Variants in SERHL2 observed in about 807,000 individuals in gnomAD.
SERHL2 encodes the protein serine hydrolase like 2.
A neutral mutation model predicts 25.5 loss-of-function variants in SERHL2; 29 were observed. The ratio of observed to expected loss-of-function variants is 1.14; its 90% CI spans 0.85 to 1.55. The LOEUF is 1.55. Among genes scored for constraint, SERHL2 ranks in the 40% most tolerant of loss-of-function variants. The pLI is 0.00. For missense variants in SERHL2, 240 were observed against 252.3 expected (o/e 0.95, Z 0.33); for synonymous variants, 95 against 103.5 (o/e 0.92, Z 0.50).
chr22:42,568,113 T>G (rs1002005206), intron 9 of SERHL2, among the ~76,000 whole-genome samples: 17 of 151,868 alleles, frequency 1.1e-4, no homozygotes, highest in Non-Finnish European at 5.9e-5. Context: ...AGCTTCAACC[T>G]CCTGGGCTGA....
In SERHL2 at chr22:42,560,242, G is replaced by C; in HGVS notation, c.590G>C (p.Arg197Thr). ...GAGTGCGGGGAGCTTCTCCTGCAAA[G>C]AGGAACCACGAAGGTGGCCACAGGT... is the stretch of plus-strand genomic sequence containing the variant. ...SEECGELLLQRGTTKVATGLV... is the reference protein window; with the variant it reads ...SEECGELLLQTGTTKVATGLV... The change falls in exon 8 of 12, where the codon AGA becomes ACA. Residue 197 changes from arginine to threonine, a missense_variant. By Grantham distance (71) the Arg-to-Thr change is moderately conservative. Coordinates refer to ENST00000327678, the MANE Select transcript of SERHL2 (RefSeq NM_014509.5). 6.2e-7 allele frequency: 1 copy of C among 1,612,484 alleles called. No individual in the cohort carries two copies. Among genetic ancestry groups the C allele is most frequent in the Non-Finnish European group, 8.5e-7 (1 of 1,178,754 alleles).
At chr22:42,572,577 T>G (rs760770230) in intron 11 of SERHL2, 48 bp downstream of exon 11, 90 of 1,599,698 alleles carry the variant, frequency 5.6e-5, no homozygotes, top group Admixed American at 1.9e-4. Flanking sequence ...TCGCCCACTC[T>G]GGTCCCACCT....
rs1924383850 is a variant in SERHL2 at position 42,572,586 on chromosome 22, C to A, written c.825+57C>A. The A allele has an allele frequency of 1.9e-6, 3 of 1,590,122 alleles. No individual in the cohort carries two copies. In the South Asian group the frequency reaches 3.4e-5, roughly 18 times the overall value. On this transcript the variant is annotated intron_variant, in intron 11 of 11. Transcript: ENST00000327678. ...CCACTGTCGCCCACTCTGGTCCCACCTCACCCATCTCTTCTCATGCACTGG... is the reference window on the plus strand; with the variant it reads ...CCACTGTCGCCCACTCTGGTCCCACATCACCCATCTCTTCTCATGCACTGG...
At chr22:42,572,715 T>C in intron 11 of SERHL2, 186 bp downstream of exon 11, 1 of 984,738 alleles carries the variant, frequency 1.0e-6, no homozygotes, top group Non-Finnish European at 1.2e-6. Context: ...ACACATGTAA[T>C]CAGAATTAAG....
In SERHL2 at chr22:42,564,427, A is replaced by AT. The variant is rs35590765; in HGVS notation, c.614-1866dup. Among the ~76,000 whole-genome samples the AT allele has an allele frequency of 2.0e-3, 297 of 146,308 alleles. 3 individuals are homozygous for AT. The highest frequency in any genetic ancestry group is 0.011 in the East Asian group (55 of 5,070). Reference sequence around the variant, plus strand: ...ATTTTAAACTGAGGCCCGACACAGGATTTTTTTTTTTCTTTTTTTTTGAGA... The same window carrying AT: ...ATTTTAAACTGAGGCCCGACACAGGATTTTTTTTTTTTCTTTTTTTTTGAGA... On this transcript the variant is annotated intron_variant, in intron 8 of 11. Transcript: ENST00000327678.
chr22:42,563,423 C>T (rs948510204), intron 8 of SERHL2: 7 of 441,408 alleles, frequency 1.6e-5, no homozygotes, highest in East Asian at 7.5e-5. Context: ...AGGCTGGTCT[C>T]GAACTCCTGA....
At chr22:42,560,882 T>G (rs1045731225) in intron 8 of SERHL2, among the ~76,000 whole-genome samples, 2 of 151,752 alleles carry the variant, frequency 1.3e-5, no homozygotes, top group Non-Finnish European at 2.9e-5. Context: ...ACTACAGGTG[T>G]GAGCTACTGT....
rs145060540 is a variant in SERHL2 at position 42,554,049 on chromosome 22, C to A, written c.22+7C>A. On this transcript the variant is annotated splice_region_variant and intron_variant, in intron 1 of 11. Transcript: ENST00000327678. ...AGTGAGAACGCCGCACCAGGTCTGA[C>A]GGGGAGGCCTTGTGCGAGCGTCCCA... 1 of 1,613,370 alleles carries A rather than the reference C, an allele frequency of 6.2e-7. No homozygotes were observed. The highest frequency in any genetic ancestry group is 1.1e-5 in the South Asian group (1 of 91,004).
intron 7 of SERHL2, 116 bp from the exon 8 acceptor site, chr22:42,560,070 C>A: frequency 1.3e-6 from 1 of 759,950 alleles, no homozygotes. Context: ...TCTTGTCCTC[C>A]CAAAGTGCTG....
rs150625034 is a variant in SERHL2 at position 42,560,252 on chromosome 22, G to A, written c.600G>A (p.Thr200=). ...AGCTTCTCCTGCAAAGAGGAACCACGAAGGTGGCCACAGGTAAGGGACTCT... is the reference window on the plus strand; with the variant it reads ...AGCTTCTCCTGCAAAGAGGAACCACAAAGGTGGCCACAGGTAAGGGACTCT... The part of the protein sequence containing the change: ...CGELLLQRGT[T]KVATGLVLNR... The change falls in exon 8 of 12, where the codon ACG becomes ACA. Residue 200 remains threonine, a synonymous_variant. Transcript: ENST00000327678. The A allele has an allele frequency of 7.0e-5, 113 of 1,611,074 alleles. 2 individuals are homozygous for A. The highest frequency in any genetic ancestry group is 2.0e-4 in the South Asian group (18 of 91,068).
intron 9 of SERHL2, chr22:42,569,953 G>A (rs910143577): frequency 1.3e-5 from 2 of 151,706 alleles, no homozygotes; most frequent in Admixed American, 1.3e-4. Context: ...GGAGCTTCCC[G>A]GAATTAATCC....
rs770456492 is a variant in SERHL2, at chr22:42,554,025, G to C, written c.5G>C (p.Ser2Thr). ...CGCATTCGCGGGACGAGAGCGATGAGTGAGAACGCCGCACCAGGTCTGACG... is the reference window on the plus strand; with the variant it reads ...CGCATTCGCGGGACGAGAGCGATGACTGAGAACGCCGCACCAGGTCTGACG... Reference protein sequence around the residue: MSENAAPGLISE... With the variant: MTENAAPGLISE... The change falls in exon 1 of 12, where the codon AGT becomes ACT. Residue 2 changes from serine to threonine, a missense_variant. Ser to Thr is a moderately conservative substitution (Grantham distance 58). This residue lies in a region of SERHL2 where 18 missense variants were observed against 16.0 expected (regional missense o/e 1.12). Transcript: ENST00000327678. 6 of 1,613,676 alleles carry C rather than the reference G, an allele frequency of 3.7e-6. No homozygotes were observed. In the Admixed American group the frequency reaches 5.0e-5, roughly 13 times the overall value.
chr22:42,568,409 TTG>T (rs1923703727), intron 9 of SERHL2, among the ~76,000 whole-genome samples: 1 of 151,492 alleles, frequency 6.6e-6, no homozygotes, highest in Non-Finnish European at 1.5e-5. Context: ...GGTTTGTCCC[TTG>T]TGTGTGCTGA....
rs1137257 is a variant in SERHL2 at position 42,572,458 on chromosome 22, T to C, written c.754T>C (p.Ser252Pro). 24 of 1,611,222 alleles carry C rather than the reference T, an allele frequency of 1.5e-5. No homozygotes were observed. Among genetic ancestry groups the C allele is most frequent in the African/African-American group, 1.1e-4 (8 of 74,884 alleles). ...CAGAGCAGTCCACGGATATTTTGAT[T>C]CAAGACAGAATTACTCTGAGAAGGA... ...LIKAVHGYFD[S>P]RQNYSEKESL... The change falls in exon 11 of 12, where the codon TCA becomes CCA. Residue 252 changes from serine (S) to proline (P), a missense_variant. Physicochemically the swap from Ser to Pro is moderately conservative, Grantham distance 74. Transcript: ENST00000327678.
intron 8 of SERHL2, among the ~76,000 whole-genome samples, chr22:42,565,549 C>T (rs957885665): frequency 1.6e-4 from 25 of 151,888 alleles, no homozygotes; most frequent in African/African-American, 5.6e-4. Flanking sequence ...TGGTCTTGAA[C>T]TCCTGACCTC....
chr22:42,566,598 T>A (rs375352617), intron 9 of SERHL2, among the ~76,000 whole-genome samples: 1 of 151,780 alleles, frequency 6.6e-6, no homozygotes, highest in African/African-American at 2.4e-5. Flanking sequence ...AACATAATAC[T>A]TAATGATTGT....
At chr22:42,560,533 T>C (rs1922560029) in intron 8 of SERHL2, among the ~76,000 whole-genome samples, 1 of 151,792 alleles carries the variant, frequency 6.6e-6, no homozygotes, top group South Asian at 2.1e-4. Context: ...GGACTAAATG[T>C]TGGTGAATGT....
chr22:42,562,149 C>G (rs1224205867), intron 8 of SERHL2, among the ~76,000 whole-genome samples: 1 of 151,580 alleles, frequency 6.6e-6, no homozygotes, highest in African/African-American at 2.4e-5. Context: ...CTTTTGGGAC[C>G]CAGCATTAAC....
In SERHL2 at chr22:42,574,192, A is replaced by C. The variant is rs937915879; in HGVS notation, c.*137A>C. The C allele has an allele frequency of 1.4e-6, 1 of 732,092 alleles. No homozygotes were observed. 45.3% of individuals were successfully genotyped at this position (732,092 alleles called of 1,614,324 possible). A position where few individuals can be genotyped will look rare whatever the true frequency, so the allele number is the denominator to read the frequency against. ...TGAGGCCCAGCCTAGGATGGTAGTC[A>C]GGGGAAGGAGCGAGATTCCAACTTC... On this transcript the variant is annotated 3_prime_UTR_variant, in exon 12 of 12. Transcript: ENST00000327678.
Sources: allele counts gnomAD v4.1 joint callset (sites outside exome capture counted in the v4.1 genomes callset), GRCh38; gene constraint gnomAD v4.1.1; regional missense constraint gnomAD v4.1.1; transcripts MANE v1.5; gene names NCBI Gene and HGNC (gene_info 2026-07-23, HGNC 2026-07-21).